Variants in BRCA1 observed in about 807,000 individuals in gnomAD.
BRCA1 encodes the protein BRCA1 DNA repair associated.
Under a neutral mutation model 173.7 loss-of-function variants are expected in BRCA1, and 140 were observed. That is an observed-to-expected ratio of 0.81 (90% CI 0.70 to 0.93). The LOEUF (loss-of-function observed/expected upper bound fraction) is 0.93. BRCA1 is among the 40% of genes least tolerant of loss of function. The pLI is 0.00. For synonymous variants in BRCA1, 662 were observed against 756.0 expected (o/e 0.88, Z 2.04); for missense variants, 1,983 against 2,172.5 (o/e 0.91, Z 1.73).
In BRCA1 at chr17:43,067,682, T is replaced by C. The variant is rs1057519495; in HGVS notation, c.5000A>G (p.Lys1667Arg). ...LTPEEFMLVY[K>R]FARKHHITLT... ...AGTGATGTGGTGTTTTCTGGCAAAC[T>C]TGTACACGAGCATCTGAAATTAAAT... is the stretch of plus-strand genomic sequence containing the variant. Residue 1667 changes from lysine to arginine, a missense_variant, in exon 16 of 23, where the codon AAG becomes AGG. Physicochemically the swap from Lys to Arg is conservative, Grantham distance 26 (BLOSUM62 2). Transcript: ENST00000357654. 13 of 1,612,452 alleles carry C rather than the reference T, an allele frequency of 8.1e-6. No individual in the cohort carries two copies. The highest frequency in any genetic ancestry group is 1.0e-5 in the Non-Finnish European group (12 of 1,178,518).
intron 1 of BRCA1, chr17:43,165,938 T>A (rs1457242186): frequency 1.3e-5 from 2 of 151,972 alleles, no homozygotes; most frequent in Non-Finnish European, 1.5e-5. Flanking sequence ...ATAATAATAA[T>A]AAAAAGAAAA....
At chr17:43,065,955 T>C (rs1392702367) in intron 16 of BRCA1, among the ~76,000 whole-genome samples, 1 of 152,244 alleles carries the variant, frequency 6.6e-6, no homozygotes, top group Non-Finnish European at 1.5e-5. Flanking sequence ...CTTTTATGTA[T>C]CTTTACCATC....
At chr17:43,078,287 G>A (rs909391450) in intron 12 of BRCA1, among the ~76,000 whole-genome samples, 2 of 152,134 alleles carry the variant, frequency 1.3e-5, no homozygotes, top group African/African-American at 4.8e-5. Context: ...GTTTTACCAT[G>A]TTGGCCAGGC....
At chr17:43,134,429 C>T (rs1035142282) in intron 1 of BRCA1, among the ~76,000 whole-genome samples, 11 of 152,198 alleles carry the variant, frequency 7.2e-5, no homozygotes, top group African/African-American at 2.4e-4. Flanking sequence ...TTCCCCACAG[C>T]TCCAGCACAC....
intron 15 of BRCA1, among the ~76,000 whole-genome samples, chr17:43,069,509 A>G (rs988190153): frequency 6.6e-6 from 1 of 152,228 alleles, no homozygotes; most frequent in African/African-American, 2.4e-5. Flanking sequence ...TTGCAAAACA[A>G]AGGGATAAAG....
chr17:43,085,229 C>CT (rs1194511472), intron 11 of BRCA1, among the ~76,000 whole-genome samples: 1 of 152,118 alleles, frequency 6.6e-6, no homozygotes, highest in Non-Finnish European at 1.5e-5. Context: ...ACCCTTAGTG[C>CT]TCCATCCTGG....
Position 43,099,862 on chromosome 17 carries a change from C to T in BRCA1, c.460G>A (p.Val154Ile), listed in dbSNP as rs1064793318. 6.2e-7 allele frequency: 1 copy of T among 1,613,136 alleles called. No homozygotes were observed. Among genetic ancestry groups the T allele is most frequent in the East Asian group, 2.2e-5 (1 of 44,878 alleles). ...NPSLQETSLS[V>I]QLSNLGTVRT... ...ACAGTTCCAAGGTTAGAGAGTTGGA[C>T]ACTGAGACTGGTTTCCTGCTAAACA... is the stretch of plus-strand genomic sequence containing the variant. Residue 154 changes from valine to isoleucine, a missense_variant, in exon 7 of 23, where the codon GTC becomes ATC. By Grantham distance (29) the Val-to-Ile change is conservative (BLOSUM62 3). Coordinates refer to ENST00000357654, the MANE Select transcript of BRCA1 (RefSeq NM_007294.4).
intron 11 of BRCA1, among the ~76,000 whole-genome samples, chr17:43,083,033 G>C (rs2154169790): frequency 1.3e-5 from 2 of 152,070 alleles, no homozygotes; most frequent in South Asian, 4.2e-4. Flanking sequence ...ATGTAATGTT[G>C]AAAAAAGCCC....
upstream of BRCA1, among the ~76,000 whole-genome samples, chr17:43,126,378 A>C (rs543589933): frequency 1.3e-5 from 2 of 152,070 alleles, no homozygotes; most frequent in East Asian, 3.9e-4. Context: ...TGTTAGATTC[A>C]CCCCACAGAG....
intron 19 of BRCA1, among the ~76,000 whole-genome samples, chr17:43,054,829 G>A (rs1267326686): frequency 6.7e-6 from 1 of 150,322 alleles, no homozygotes; most frequent in African/African-American, 2.5e-5. Flanking sequence ...TGCAACCTCC[G>A]CCTCCTGGGT....
intron 12 of BRCA1, among the ~76,000 whole-genome samples, chr17:43,079,061 G>A (rs776414807): frequency 6.6e-6 from 1 of 152,240 alleles, no homozygotes; most frequent in South Asian, 2.1e-4. Flanking sequence ...TTAGCTGGGC[G>A]TGGTGGCGGG....
At chr17:43,116,191 CTT>C (rs8176097) in intron 2 of BRCA1, among the ~76,000 whole-genome samples, 1 of 151,616 alleles carries the variant, frequency 6.6e-6, no homozygotes, top group Non-Finnish European at 1.5e-5. Flanking sequence ...CTTCCTAGAA[CTT>C]TTTTTTGTTT....
intron 12 of BRCA1, 148 bp from the exon 13 acceptor site, chr17:43,076,762 C>A: frequency 1.3e-6 from 1 of 794,502 alleles, no homozygotes; most frequent in Non-Finnish European, 2.1e-6. Flanking sequence ...ATTTTATAAA[C>A]ACAAGCAATG....
chr17:43,062,806 A>G (rs2051823688), intron 18 of BRCA1, among the ~76,000 whole-genome samples: 1 of 152,072 alleles, frequency 6.6e-6, no homozygotes, highest in South Asian at 2.1e-4. Context: ...CATGTTGCCC[A>G]GGCTGATCTC....
intron 13 of BRCA1, among the ~76,000 whole-genome samples, chr17:43,076,107 A>AATT: frequency 6.6e-6 from 1 of 151,664 alleles, no homozygotes; most frequent in East Asian, 1.9e-4. Flanking sequence ...TAATAATAGT[A>AATT]ATTATTATTA....
chr17:43,152,100 C>A (rs2056165558), intron 1 of BRCA1, among the ~76,000 whole-genome samples: 1 of 152,136 alleles, frequency 6.6e-6, no homozygotes, highest in African/African-American at 2.4e-5. Flanking sequence ...TGTGATGGAG[C>A]CAAGATTTGA....
At chr17:43,139,356 C>T (rs1202990339) in intron 1 of BRCA1, among the ~76,000 whole-genome samples, 2 of 151,242 alleles carry the variant, frequency 1.3e-5, no homozygotes, top group East Asian at 3.9e-4. Flanking sequence ...GCCTAATACC[C>T]GATAGTTTTT....
At chr17:43,054,472 C>T (rs1278700083) in intron 19 of BRCA1, among the ~76,000 whole-genome samples, 1 of 152,206 alleles carries the variant, frequency 6.6e-6, no homozygotes. Context: ...CAAGGTCTCA[C>T]AATGTTGGCC....
rs1060504564 is a variant in BRCA1 at position 43,063,969 on chromosome 17, C to T, written c.5075-18G>A. Reference sequence around the variant, plus strand: ...CTCAGCATCTGCAGAATGAAAAACACTCAAAGGATTAGAAGTTGAAAACAA... The same window carrying T: ...CTCAGCATCTGCAGAATGAAAAACATTCAAAGGATTAGAAGTTGAAAACAA... On this transcript the variant is annotated intron_variant, in intron 16 of 22. Coordinates refer to ENST00000357654, the MANE Select transcript of BRCA1 (RefSeq NM_007294.4). The T allele has an allele frequency of 3.1e-6, 5 of 1,612,120 alleles. No individual in the cohort carries two copies. The African/African-American group carries it at 5.3e-5, about 17-fold the overall frequency.
Sources: gnomAD v4.1 joint callset for allele counts (sites outside exome capture counted in the v4.1 genomes callset) on GRCh38, gnomAD v4.1.1 for gene constraint, MANE v1.5 for transcripts, NCBI Gene and HGNC (gene_info 2026-07-23, HGNC 2026-07-21) for gene names.